MGAT4C: variants seen among roughly 807,000 people sequenced by gnomAD.
MGAT4C encodes the protein alpha-1,3-mannosyl-glycoprotein 4-beta-N-acetylglucosaminyltransferase C.
In MGAT4C, 19 loss-of-function variants were observed where a neutral mutation model predicts 40.1. That is an observed-to-expected ratio of 0.47 (90% CI 0.33 to 0.70). The LOEUF (loss-of-function observed/expected upper bound fraction) is 0.70. MGAT4C is among the 30% of genes least tolerant of loss of function. The probability of loss-of-function intolerance (pLI) is 0.02; values close to 1 mark genes in which losing one functional copy is unlikely to be tolerated. For missense variants in MGAT4C, 491 were observed against 563.2 expected (o/e 0.87, Z 1.30); for synonymous variants, 181 against 187.1 (o/e 0.97, Z 0.27).
chr12:85,999,254 A>C (rs1263690856), intron 2 of MGAT4C, among the ~76,000 whole-genome samples: 1 of 152,092 alleles, frequency 6.6e-6, no homozygotes, highest in East Asian at 1.9e-4. Context: ...TGGGAGTTGC[A>C]GTTCAAGATG....
intron 2 of MGAT4C, among the ~76,000 whole-genome samples, chr12:86,462,111 A>G (rs1228922821): frequency 6.6e-6 from 1 of 152,248 alleles, no homozygotes; most frequent in Admixed American, 6.5e-5. Context: ...TATGGGCATT[A>G]AAATAACTGA....
intron 2 of MGAT4C, among the ~76,000 whole-genome samples, chr12:86,033,706 C>G (rs1305232757): frequency 6.7e-6 from 1 of 149,310 alleles, no homozygotes; most frequent in Non-Finnish European, 1.5e-5. Flanking sequence ...AAAAACGGAT[C>G]GTTTGACTTC....
chr12:86,119,115 C>T (rs1458427445), intron 1 of MGAT4C, among the ~76,000 whole-genome samples: 1 of 151,656 alleles, frequency 6.6e-6, no homozygotes, highest in African/African-American at 2.4e-5. Flanking sequence ...AGTGATATGA[C>T]AAAACTTGAG....
chr12:85,984,418 G>A (rs190271743), intron 3 of MGAT4C, among the ~76,000 whole-genome samples: 6 of 151,984 alleles, frequency 3.9e-5, no homozygotes, highest in Admixed American at 2.0e-4. Flanking sequence ...TGTAATGCCC[G>A]ATCCTTTTAT....
chr12:86,173,441 T>C (rs1887062187), intron 1 of MGAT4C, among the ~76,000 whole-genome samples: 1 of 152,238 alleles, frequency 6.6e-6, no homozygotes, highest in African/African-American at 2.4e-5. Flanking sequence ...TTTAAGGATA[T>C]TTCAATTAAC....
chr12:86,153,328 G>A (rs1336422899), intron 1 of MGAT4C, among the ~76,000 whole-genome samples: 1 of 152,070 alleles, frequency 6.6e-6, no homozygotes, highest in Non-Finnish European at 1.5e-5. Flanking sequence ...ACACAACAAA[G>A]TAAAATATTT....
At chr12:86,608,239 T>C (rs1242849186) in intron 2 of MGAT4C, among the ~76,000 whole-genome samples, 2 of 151,992 alleles carry the variant, frequency 1.3e-5, no homozygotes, top group Non-Finnish European at 2.9e-5. Flanking sequence ...ATGTATCACA[T>C]AAAGCATAAA....
intron 1 of MGAT4C, among the ~76,000 whole-genome samples, chr12:86,083,835 G>T (rs1246343781): frequency 2.0e-5 from 3 of 152,138 alleles, no homozygotes; most frequent in African/African-American, 7.2e-5. Flanking sequence ...AGAATCTAAG[G>T]TTGGCAAGTT....
intron 2 of MGAT4C, among the ~76,000 whole-genome samples, chr12:86,048,056 GA>G (rs202162322): frequency 1.3e-5 from 2 of 149,946 alleles, no homozygotes; most frequent in African/African-American, 2.4e-5. Flanking sequence ...ATAAGAACAA[GA>G]AAAAAAAAGA....
intron 4 of MGAT4C, among the ~76,000 whole-genome samples, chr12:86,280,005 C>A (rs527445579): frequency 6.6e-6 from 1 of 152,062 alleles, no homozygotes; most frequent in East Asian, 1.9e-4. Flanking sequence ...TATATGATTT[C>A]AATGTTCTTG....
At position 86,317,337 on chromosome 12, in the gene MGAT4C, A is replaced by T. The variant is rs536272537; in HGVS notation, c.-57+16728T>A. On this transcript the variant is annotated intron_variant, in intron 4 of 7. Transcript: ENST00000548651. ...AGGAAAGTCAAAAAATAATATCATT[A>T]GTTGAAGAAATAAGAAATGCAGGTT... Among the ~76,000 whole-genome samples, 176 of 152,276 alleles carry T rather than the reference A, an allele frequency of 1.2e-3. 1 individual carries two copies. The highest frequency in any genetic ancestry group is 2.0e-3 in the Non-Finnish European group (139 of 68,002).
At chr12:86,750,405 C>A (rs1449423154) in intron 1 of MGAT4C, among the ~76,000 whole-genome samples, 1 of 151,836 alleles carries the variant, frequency 6.6e-6, no homozygotes, top group Non-Finnish European at 1.5e-5. Context: ...CCACTATTCC[C>A]AATCATTTTA....
chr12:86,257,308 A>T (rs1952549350), upstream of MGAT4C, among the ~76,000 whole-genome samples: 2 of 152,180 alleles, frequency 1.3e-5, no homozygotes, highest in African/African-American at 4.8e-5. Flanking sequence ...ACAAAACTAC[A>T]ATCACCTTGA....
At position 85,983,668 on chromosome 12, in the gene MGAT4C, T is replaced by A. The variant is rs1278261948; in HGVS notation, c.150A>T (p.Glu50Asp). 1 of 1,564,412 alleles carries A rather than the reference T, an allele frequency of 6.4e-7. No individual in the cohort carries two copies. The highest frequency in any genetic ancestry group is 1.4e-5 in the African/African-American group (1 of 72,344). Residue 50 changes from glutamate (E) to aspartate (D), a missense_variant and splice_region_variant, in exon 4 of 5, where the codon GAA (glutamate) becomes GAT (aspartate). Glu to Asp is a conservative substitution (Grantham distance 45). Coordinates refer to ENST00000611864, the MANE Select transcript of MGAT4C (RefSeq NM_001351288.2). The part of the protein sequence containing the change: ...NLYIEDSYVL[E>D]GDKQLIRETS... ...TTTCCCTTATAAGTTGTTTGTCTCC[T>A]TCCTAAATACCAAGAAAGAAGCAAG... is the stretch of plus-strand genomic sequence containing the variant.
At position 86,406,246 on chromosome 12, in the gene MGAT4C, T is replaced by C. The variant is rs550700015; in HGVS notation, c.-120+28911A>G. ...TGATACAAATAAAAAATTGATAAAA[T>C]GGACTTCTGCCAAATTAAAACCTTT... On this transcript the variant is annotated intron_variant, in intron 3 of 7. Coordinates refer to the MGAT4C transcript ENST00000548651. 2.6e-5 allele frequency among the ~76,000 whole-genome samples: 4 copies of C among 151,412 alleles called. No homozygotes were observed. In the East Asian group the frequency reaches 5.8e-4, roughly 22 times the overall value.
chr12:85,979,912 A>C lies in MGAT4C; in HGVS notation c.814T>G (p.Leu272Val). 1 of 1,613,824 alleles carries C rather than the reference A, an allele frequency of 6.2e-7. No individual in the cohort carries two copies. Among genetic ancestry groups the C allele is most frequent in the Non-Finnish European group, 8.5e-7 (1 of 1,179,844 alleles). The change falls in exon 5 of 5, where the codon TTG (leucine) becomes GTG (valine). Residue 272 changes from leucine to valine, a missense_variant. Transcript: ENST00000611864. ...TAAAACATTAATAAAAAATGGGCCA[A>C]ACGTGGGAGATCATGAGAATGATAG... is the stretch of plus-strand genomic sequence containing the variant. ...KLYHSHDLPR[L>V]AHFLLMFYQE...
At chr12:86,408,471 C>CTATA (rs1163667978) in intron 3 of MGAT4C, among the ~76,000 whole-genome samples, 3 of 109,430 alleles carry the variant, frequency 2.7e-5, no homozygotes, top group East Asian at 2.8e-4. Flanking sequence ...CTCTCTCTCT[C>CTATA]TCTCTCTCTA....
intron 1 of MGAT4C, among the ~76,000 whole-genome samples, chr12:86,108,452 C>T (rs1876615260): frequency 6.6e-6 from 1 of 151,944 alleles, no homozygotes; most frequent in Non-Finnish European, 1.5e-5. Context: ...ACAACACTGG[C>T]CTCAAAATAA....
At chr12:86,691,046 C>T (rs1326489548) in intron 2 of MGAT4C, among the ~76,000 whole-genome samples, 2 of 152,156 alleles carry the variant, frequency 1.3e-5, no homozygotes, top group East Asian at 1.9e-4. Context: ...GAATAAATGG[C>T]ACGATAGTTT....
Sources: gnomAD v4.1 joint callset for allele counts (sites outside exome capture counted in the v4.1 genomes callset) on GRCh38, gnomAD v4.1.1 for gene constraint, MANE v1.5 for transcripts, NCBI Gene and HGNC (gene_info 2026-07-23, HGNC 2026-07-21) for gene names.